Variants in BABAM2 observed in about 807,000 individuals in gnomAD.
The protein encoded by BABAM2 is BRISC and BRCA1 A complex member 2, also known as BRISC and BRCA1-A complex member 2.
A neutral mutation model predicts 54.7 loss-of-function variants in BABAM2; 31 were observed. That is an observed-to-expected ratio of 0.57 (90% confidence interval 0.43 to 0.77). BABAM2 has a LOEUF of 0.77. Among genes scored for constraint, BABAM2 ranks in the 30% least tolerant of loss-of-function variants. The pLI is 0.00. For synonymous variants in BABAM2, 167 were observed against 162.9 expected (o/e 1.03, Z -0.19); for missense variants, 364 against 455.8 (o/e 0.80, Z 1.83).
chr2:28,029,972 A>G (rs879117418), intron 5 of BABAM2, among the ~76,000 whole-genome samples: 1 of 152,226 alleles, frequency 6.6e-6, no homozygotes, highest in Admixed American at 6.5e-5. Context: ...AATGGGTGTT[A>G]GGTTAATTCT....
chr2:27,925,535 G>C (rs750564035), intron 2 of BABAM2, among the ~76,000 whole-genome samples: 10 of 152,248 alleles, frequency 6.6e-5, no homozygotes, highest in Non-Finnish European at 1.0e-4. Flanking sequence ...AAGCATCCCT[G>C]GGGGGTAAAC....
intron 3 of BABAM2, among the ~76,000 whole-genome samples, chr2:27,950,720 A>G (rs1030646740): frequency 1.3e-5 from 2 of 152,074 alleles, no homozygotes; most frequent in East Asian, 1.9e-4. Flanking sequence ...TGAAGAATTC[A>G]TATTATTTCT....
chr2:28,206,164 A>G (rs899579569), intron 7 of BABAM2, among the ~76,000 whole-genome samples: 8 of 152,180 alleles, frequency 5.3e-5, no homozygotes, highest in African/African-American at 1.9e-4. Context: ...GTATTTGAAC[A>G]ATATAGACAC....
intron 5 of BABAM2, among the ~76,000 whole-genome samples, chr2:28,032,441 C>T (rs555804589): frequency 6.6e-6 from 1 of 152,112 alleles, no homozygotes; most frequent in African/African-American, 2.4e-5. Flanking sequence ...CACTCTTCTC[C>T]CTGCCCCCTG....
At chr2:27,956,162 A>G (rs1230275210) in intron 3 of BABAM2, among the ~76,000 whole-genome samples, 1 of 152,142 alleles carries the variant, frequency 6.6e-6, no homozygotes, top group Admixed American at 6.5e-5. Flanking sequence ...CGAAAACCAT[A>G]TCTTCTGTAG....
At chr2:28,143,203 A>T (rs1671214001) in intron 7 of BABAM2, among the ~76,000 whole-genome samples, 2 of 152,120 alleles carry the variant, frequency 1.3e-5, no homozygotes, top group African/African-American at 2.4e-5. Context: ...GGCAACGTGG[A>T]TGAACCTGGA....
intron 5 of BABAM2, among the ~76,000 whole-genome samples, chr2:28,027,263 C>G (rs1466253761): frequency 6.6e-6 from 1 of 151,778 alleles, no homozygotes; most frequent in East Asian, 1.9e-4. Flanking sequence ...CAAACTTCTA[C>G]TAATGTTATG....
chr2:28,307,688 A>C (rs1184335902), intron 11 of BABAM2: 1 of 152,204 alleles, frequency 6.6e-6, no homozygotes, highest in Non-Finnish European at 1.5e-5. Flanking sequence ...ATTCCACAAT[A>C]CATTGTTATT....
chr2:28,125,974 A>G (rs1256348288), intron 6 of BABAM2, among the ~76,000 whole-genome samples: 2 of 152,214 alleles, frequency 1.3e-5, no homozygotes, highest in Non-Finnish European at 2.9e-5. Context: ...ATATGTTTTT[A>G]TGAGCATAAA....
At chr2:28,042,839 A>G (rs1056440758) in intron 5 of BABAM2, among the ~76,000 whole-genome samples, 9 of 152,010 alleles carry the variant, frequency 5.9e-5, no homozygotes, top group Admixed American at 4.6e-4. Context: ...CCTGGCTAAC[A>G]TGGTGAAACC....
At chr2:28,046,834 G>A (rs1177486865) in intron 6 of BABAM2, among the ~76,000 whole-genome samples, 1 of 151,294 alleles carries the variant, frequency 6.6e-6, no homozygotes, top group Non-Finnish European at 1.5e-5. Context: ...CCAAGCTGGA[G>A]TGTAGTGGTG....
At chr2:28,130,656 A>G (rs754505618) in intron 7 of BABAM2, among the ~76,000 whole-genome samples, 1 of 151,884 alleles carries the variant, frequency 6.6e-6, no homozygotes, top group Admixed American at 6.6e-5. Context: ...GTCTCGCTCT[A>G]TTGCCCAGGC....
At chr2:28,019,756 T>C (rs1675115439) in intron 4 of BABAM2, among the ~76,000 whole-genome samples, 1 of 152,216 alleles carries the variant, frequency 6.6e-6, no homozygotes, top group Non-Finnish European at 1.5e-5. Context: ...AGGGTGTCCT[T>C]TCCCCACTTT....
chr2:27,927,763 T>C (rs1182994434), intron 2 of BABAM2, among the ~76,000 whole-genome samples: 1 of 152,166 alleles, frequency 6.6e-6, no homozygotes, highest in Non-Finnish European at 1.5e-5. Flanking sequence ...AACTGGTATT[T>C]TTATTGACCC....
In BABAM2 at chr2:28,295,134, G is replaced by A. The variant is rs192763582; in HGVS notation, c.935-3204G>A. On this transcript the variant is annotated intron_variant, in intron 10 of 11. Transcript: ENST00000379624. Reference sequence around the variant, plus strand: ...AGTCAAAGAAGATGGTTCCAAAATAGGTGGGAAAAAATCATTTTTTAGCAT... The same window carrying A: ...AGTCAAAGAAGATGGTTCCAAAATAAGTGGGAAAAAATCATTTTTTAGCAT... 5.8e-4 allele frequency among the ~76,000 whole-genome samples: 89 copies of A among 152,182 alleles called. 1 individual carries two copies. Among genetic ancestry groups the A allele is most frequent in the Admixed American group, 1.0e-3 (16 of 15,280 alleles).
intron 6 of BABAM2, among the ~76,000 whole-genome samples, chr2:28,112,197 C>CCCTCCCTCCCTCCCTTCCTTCCTT (rs1558347424): frequency 1.2e-4 from 3 of 25,498 alleles, no homozygotes; most frequent in African/African-American, 5.7e-4. Context: ...CTCCCTCCCT[C>CCCTCCCTCCCTCCCTTCCTTCCTT]CCTTCCTTCC....
At chr2:28,063,805 T>C (rs968697232) in intron 6 of BABAM2, among the ~76,000 whole-genome samples, 2 of 152,176 alleles carry the variant, frequency 1.3e-5, no homozygotes, top group Non-Finnish European at 2.9e-5. Flanking sequence ...ATGATTTGGG[T>C]TCCTGTCACT....
intron 5 of BABAM2, among the ~76,000 whole-genome samples, chr2:28,033,802 T>TG (rs1411747866): frequency 6.6e-6 from 1 of 150,498 alleles, no homozygotes; most frequent in Non-Finnish European, 1.5e-5. Context: ...ATTAAAGTGT[T>TG]TTTTTTTTTG....
chr2:28,189,657 T>G (rs893435081), intron 7 of BABAM2, among the ~76,000 whole-genome samples: 10 of 152,188 alleles, frequency 6.6e-5, no homozygotes, highest in Non-Finnish European at 1.5e-4. Context: ...AAATATATTG[T>G]CAGTGGGCCA....
Sources: allele counts gnomAD v4.1 joint callset (sites outside exome capture counted in the v4.1 genomes callset), GRCh38; gene constraint gnomAD v4.1.1; transcripts MANE v1.5; gene names NCBI Gene and HGNC (gene_info 2026-07-23, HGNC 2026-07-21).